The following ZNF213 variants were observed in gnomAD, a reference collection of about 807,000 sequenced individuals.
ZNF213 encodes putative transcription factor CR53.
Under a neutral mutation model 46.0 loss-of-function variants are expected in ZNF213, and 32 were observed. That is an observed-to-expected ratio of 0.70 (90% CI 0.52 to 0.93). ZNF213 has a LOEUF of 0.93. Ranked by LOEUF, ZNF213 falls within the 40% of genes least tolerant of loss-of-function variation. The probability of loss-of-function intolerance (pLI) is 0.00; values close to 1 mark genes in which losing one functional copy is unlikely to be tolerated. For synonymous variants in ZNF213, 297 were observed against 271.0 expected (o/e 1.10, Z -0.94); for missense variants, 639 against 652.8 (o/e 0.98, Z 0.23).
chr16:3,137,371 G>C lies in ZNF213; in HGVS notation c.91G>C (p.Glu31Gln), dbSNP rs143487323. The C allele has an allele frequency of 6.0e-4, 961 of 1,613,998 alleles. No homozygotes were observed. The highest frequency in any genetic ancestry group is 8.3e-4 in the Admixed American group (50 of 60,028). ...VKVEDSSWEQ[E>Q]SAQHEDGRDS... The stretch of plus-strand genomic sequence containing the variant: ...AGTGGAAGATTCCTCCTGGGAACAG[G>C]AATCTGCCCAGCATGAGGATGGCAG... Residue 31 changes from glutamate to glutamine, a missense_variant, in exon 2 of 6, where the codon GAA (glutamate) becomes CAA (glutamine). Coordinates refer to ENST00000396878, the MANE Select transcript of ZNF213 (RefSeq NM_004220.3).
rs147191903 is a variant in ZNF213, at chr16:3,138,486, G to A, written c.468G>A (p.Pro156=). 3.1e-5 allele frequency: 50 copies of A among 1,613,396 alleles called. No individual in the cohort carries two copies. In the East Asian group the frequency reaches 4.9e-4, roughly 16 times the overall value. ...GRGSQATGPP[P]TVGARRRPSV... Reference sequence around the variant, plus strand: ...GATCCCAGGCCACGGGGCCTCCCCCGACGGTGGGGGCACGGAGGCGGCCGT... The same window carrying A: ...GATCCCAGGCCACGGGGCCTCCCCCAACGGTGGGGGCACGGAGGCGGCCGT... The change falls in exon 3 of 6, where the codon CCG becomes CCA. Residue 156 remains proline (P), a synonymous_variant. Coordinates refer to ENST00000396878, the MANE Select transcript of ZNF213 (RefSeq NM_004220.3).
Position 3,141,488 on chromosome 16 carries a change from C to T in ZNF213, c.*141C>T, listed in dbSNP as rs1320434365. On this transcript the variant is annotated 3_prime_UTR_variant, in exon 6 of 6. Transcript: ENST00000396878. ...AGGGTACCTCACACTCGGAGCTCGC[C>T]TGCCCTGCTTGGCTCTGAGGACCTG... 5.9e-6 allele frequency: 6 copies of T among 1,024,594 alleles called. No individual in the cohort carries two copies. The highest frequency in any genetic ancestry group is 1.6e-5 in the African/African-American group (1 of 61,290). The allele number at this position is 1,024,594 out of a possible 1,614,324, so 63.5% of individuals were successfully genotyped here. A position where few individuals can be genotyped will look rare whatever the true frequency, so the allele number is the denominator to read the frequency against.
At chr16:3,138,607 G>GT in intron 3 of ZNF213, 66 bp downstream of exon 3, 1 of 1,612,308 alleles carries the variant, frequency 6.2e-7, no homozygotes. Flanking sequence ...TGTCACCGGC[G>GT]TTGCCCTAAG....
In ZNF213 at chr16:3,139,047, C is replaced by G; in HGVS notation, c.670C>G (p.Arg224Gly). 1 of 1,614,102 alleles carries G rather than the reference C, an allele frequency of 6.2e-7. No homozygotes were observed. The highest frequency in any genetic ancestry group is 1.3e-5 in the African/African-American group (1 of 75,040). Residue 224 changes from arginine (R) to glycine (G), a missense_variant, in exon 5 of 6, where the codon CGG (arginine) becomes GGG (glycine). Physicochemically the swap from Arg to Gly is moderately radical, Grantham distance 125. Coordinates refer to ENST00000396878, the MANE Select transcript of ZNF213 (RefSeq NM_004220.3). ...ATGGGGCACCCTGGACCCTGCTCAG[C>G]GGGATCTCTTCTGGGACATAAAGCG... is the stretch of plus-strand genomic sequence containing the variant. Reference protein sequence around the residue: ...EEWGTLDPAQRDLFWDIKREN... With the variant: ...EEWGTLDPAQGDLFWDIKREN...
Position 3,138,736 on chromosome 16 carries a change from C to T in ZNF213, c.524-9C>T. On this transcript the variant is annotated splice_polypyrimidine_tract_variant and intron_variant, in intron 3 of 5. Transcript: ENST00000396878. The stretch of plus-strand genomic sequence containing the variant: ...CTGGCCTTTCTAAGGCTCCATTCTT[C>T]TCCTTCAGCCCAGCCTCCTGCTCTT... 2 of 1,614,134 alleles carry T rather than the reference C, an allele frequency of 1.2e-6. No homozygotes were observed. Among genetic ancestry groups the T allele is most frequent in the East Asian group, 4.5e-5 (2 of 44,890 alleles).
Position 3,142,452 on chromosome 16 carries a change from C to T in ZNF213, c.*1105C>T, listed in dbSNP as rs1957621439. ...TGTCCCACTCCATTGTCACTAACGTCCGGCTCCATCGGCACTACCACCCCG... is the reference window on the plus strand; with the variant it reads ...TGTCCCACTCCATTGTCACTAACGTTCGGCTCCATCGGCACTACCACCCCG... On this transcript the variant is annotated 3_prime_UTR_variant, in exon 6 of 6. Coordinates refer to ENST00000396878, the MANE Select transcript of ZNF213 (RefSeq NM_004220.3). 1 of 197,182 alleles carries T rather than the reference C, an allele frequency of 5.1e-6. No homozygotes were observed. Among genetic ancestry groups the T allele is most frequent in the Non-Finnish European group, 1.1e-5 (1 of 93,714 alleles). The allele number at this position is 197,182 out of a possible 1,614,324, so 12.2% of individuals were successfully genotyped here.
At chr16:3,140,121 C>T (rs1957586649) in intron 5 of ZNF213, 1 of 152,248 alleles carries the variant, frequency 6.6e-6, no homozygotes, top group African/African-American at 2.4e-5. Flanking sequence ...CATTGGATCC[C>T]AGTGTGGCCT....
chr16:3,138,406 G>A lies in ZNF213; in HGVS notation c.400-12G>A. On this transcript the variant is annotated splice_polypyrimidine_tract_variant and intron_variant, in intron 2 of 5. Transcript: ENST00000396878. ...GTCTCGGGCTGATGAGCATGTTGTGGTTCCTGCACAGGATGTGCCCTCGGA... is the reference window on the plus strand; with the variant it reads ...GTCTCGGGCTGATGAGCATGTTGTGATTCCTGCACAGGATGTGCCCTCGGA... 6.2e-7 allele frequency: 1 copy of A among 1,613,396 alleles called. No homozygotes were observed. Among genetic ancestry groups the A allele is most frequent in the Non-Finnish European group, 8.5e-7 (1 of 1,179,698 alleles).
rs1410559822 is a variant in ZNF213 at position 3,140,832 on chromosome 16, G to A, written c.865G>A (p.Ala289Thr). 6.3e-7 allele frequency: 1 copy of A among 1,590,876 alleles called. No individual in the cohort carries two copies. Residue 289 changes from alanine to threonine, a missense_variant, in exon 6 of 6, where the codon GCC becomes ACC. Coordinates refer to ENST00000396878, the MANE Select transcript of ZNF213 (RefSeq NM_004220.3). ...AWESENRPRA[A>T]LGPVVGARRG... is the part of the protein sequence containing the mutation. The stretch of plus-strand genomic sequence containing the variant: ...GGAGAGCGAGAACCGGCCGAGGGCG[G>A]CCCTGGGCCCAGTGGTGGGCGCGCG...
rs941086278 is a variant in ZNF213, at chr16:3,137,144, T to G, written c.-115-22T>G. 15 of 1,180,052 alleles carry G rather than the reference T, an allele frequency of 1.3e-5. No homozygotes were observed. The African/African-American group carries it at 2.1e-4, about 17-fold the overall frequency. The allele number at this position is 1,180,052 out of a possible 1,614,324, so 73.1% of individuals were successfully genotyped here. ...ATTCCACATCCTTCCTCCTCAGTCC[T>G]GCCATTTTGCTCTTTCCCCAGGAGT... On this transcript the variant is annotated intron_variant, in intron 1 of 5. Coordinates refer to ENST00000396878, the MANE Select transcript of ZNF213 (RefSeq NM_004220.3).
In ZNF213 at chr16:3,137,076, G is replaced by T. The variant is rs191197359; in HGVS notation, c.-115-90G>T. 2.5e-5 allele frequency: 15 copies of T among 604,786 alleles called. No homozygotes were observed. In the African/African-American group the frequency reaches 2.8e-4, roughly 11 times the overall value. The allele number at this position is 604,786 out of a possible 1,614,324, so 37.5% of individuals were successfully genotyped here. ...TAGAAAAGGCTTCAGGGCCATGAAA[G>T]GATGGGGACTGGATGGCTCTTCAGC... On this transcript the variant is annotated intron_variant, in intron 1 of 5. Coordinates refer to ENST00000396878, the MANE Select transcript of ZNF213 (RefSeq NM_004220.3).
At chr16:3,138,394 G>A in intron 2 of ZNF213, 24 bp from the exon 3 acceptor site, 1 of 1,613,162 alleles carries the variant, frequency 6.2e-7, no homozygotes, top group Non-Finnish European at 8.5e-7. Context: ...TCGGGCTGAT[G>A]AGCATGTTGT....
intron 3 of ZNF213, 41 bp downstream of exon 3, chr16:3,138,582 G>T: frequency 6.2e-7 from 1 of 1,613,600 alleles, no homozygotes; most frequent in Non-Finnish European, 8.5e-7. Context: ...GAGTGGCTGG[G>T]CAGGGACCTA....
intron 1 of ZNF213, 65 bp from the exon 2 acceptor site, chr16:3,137,101 C>A: frequency 2.6e-6 from 2 of 762,704 alleles, no homozygotes; most frequent in Non-Finnish European, 4.1e-6. Context: ...GGCTCTTCAG[C>A]CTGGGGTTTG....
At chr16:3,136,719 TAAA>T (rs58304652) in intron 1 of ZNF213, among the ~76,000 whole-genome samples, 45 of 138,324 alleles carry the variant, frequency 3.3e-4, no homozygotes, top group Admixed American at 3.6e-4. Flanking sequence ...TCTCTCTCAG[TAAA>T]AAAAAAAAAA....
Position 3,140,740 on chromosome 16 carries a change from C to T in ZNF213, c.773C>T (p.Pro258Leu), listed in dbSNP as rs997699585. The change falls in exon 6 of 6, where the codon CCG becomes CTG. Residue 258 changes from proline (P) to leucine (L), a missense_variant. Pro to Leu is a moderately conservative substitution (Grantham distance 98). Transcript: ENST00000396878. Reference sequence around the variant, plus strand: ...AAGTCCCTGCTGCAGGAGATGGTGCCGGTGGTGCCAGGCCAGACAGGCAGC... The same window carrying T: ...AAGTCCCTGCTGCAGGAGATGGTGCTGGTGGTGCCAGGCCAGACAGGCAGC... ...SEKSLLQEMV[P>L]VVPGQTGSDV... is the part of the protein sequence containing the mutation. The T allele has an allele frequency of 2.6e-6, 4 of 1,539,654 alleles. No homozygotes were observed. The highest frequency in any genetic ancestry group is 4.7e-5 in the East Asian group (2 of 42,856).
Position 3,140,881 on chromosome 16 carries a change from G to C in ZNF213, c.914G>C (p.Arg305Pro). The change falls in exon 6 of 6, where the codon CGG becomes CCG. Residue 305 changes from arginine to proline, a missense_variant. By Grantham distance (103) the Arg-to-Pro change is moderately radical. Transcript: ENST00000396878. ...GARRGRPPTRRRQFRDLAAEK... is the reference protein window; with the variant it reads ...GARRGRPPTRPRQFRDLAAEK... ...CGACGGGGGCGGCCACCCACTCGCC[G>C]GCGCCAGTTCCGGGACCTGGCAGCC... is the stretch of plus-strand genomic sequence containing the variant. The C allele has an allele frequency of 6.3e-7, 1 of 1,577,300 alleles. No homozygotes were observed. Among genetic ancestry groups the C allele is most frequent in the Non-Finnish European group, 8.6e-7 (1 of 1,165,340 alleles).
At chr16:3,136,645 A>G (rs557344743) in intron 1 of ZNF213, among the ~76,000 whole-genome samples, 36 of 152,018 alleles carry the variant, frequency 2.4e-4, no homozygotes, top group African/African-American at 8.2e-4. Flanking sequence ...TGAACCTGGC[A>G]GGCAGAGGTT....
At position 3,142,390 on chromosome 16, in the gene ZNF213, C is replaced by G; in HGVS notation, c.*1043C>G. 5.6e-6 allele frequency: 1 copy of G among 177,792 alleles called. No homozygotes were observed. The highest frequency in any genetic ancestry group is 1.2e-5 in the Non-Finnish European group (1 of 82,968). 11.0% of individuals were successfully genotyped at this position (177,792 alleles called of 1,614,324 possible). A position where few individuals can be genotyped will look rare whatever the true frequency, so the allele number is the denominator to read the frequency against. ...CCGCTCCTTTGACATTGGTGCCCCACTCCATCAGCACTAACGCCCTGCTCC... is the reference window on the plus strand; with the variant it reads ...CCGCTCCTTTGACATTGGTGCCCCAGTCCATCAGCACTAACGCCCTGCTCC... On this transcript the variant is annotated 3_prime_UTR_variant, in exon 6 of 6. Coordinates refer to ENST00000396878, the MANE Select transcript of ZNF213 (RefSeq NM_004220.3).
Sources: allele counts gnomAD v4.1 joint callset (sites outside exome capture counted in the v4.1 genomes callset), GRCh38; gene constraint gnomAD v4.1.1; transcripts MANE v1.5; gene names NCBI Gene and HGNC (gene_info 2026-07-23, HGNC 2026-07-21).